AGBL1: variants seen among roughly 807,000 people sequenced by gnomAD.
AGBL1 encodes cytosolic carboxypeptidase 4.
AGBL1 carries 130 observed loss-of-function variants against 118.9 expected under a neutral mutation model. That is an observed-to-expected ratio of 1.09 (90% CI 0.95 to 1.26). The LOEUF (loss-of-function observed/expected upper bound fraction) is 1.26, where lower values mean the gene tolerates loss of function less well. Among genes scored for constraint, AGBL1 ranks in the 50% most tolerant of loss-of-function variants. The probability of loss-of-function intolerance (pLI) is 0.00; values close to 1 mark genes in which losing one functional copy is unlikely to be tolerated. For synonymous variants in AGBL1, 555 were observed against 478.9 expected (o/e 1.16, Z -2.08); for missense variants, 1,584 against 1,298.1 (o/e 1.22, Z -3.38).
At chr15:86,852,419 C>A (rs2141461437) in intron 22 of AGBL1, among the ~76,000 whole-genome samples, 1 of 152,222 alleles carries the variant, frequency 6.6e-6, no homozygotes, top group South Asian at 2.1e-4. Context: ...TGGGTGGGGA[C>A]ACAGAGCCAA....
chr15:86,989,662 T>C (rs1422332415), intron 24 of AGBL1, among the ~76,000 whole-genome samples: 1 of 152,194 alleles, frequency 6.6e-6, no homozygotes, highest in Non-Finnish European at 1.5e-5. Flanking sequence ...ATTTTATTAT[T>C]TTTTTAAAAC....
At chr15:86,238,329 G>A (rs912376997) in intron 6 of AGBL1, among the ~76,000 whole-genome samples, 2 of 152,290 alleles carry the variant, frequency 1.3e-5, no homozygotes, top group African/African-American at 2.4e-5. Context: ...CTGGTATATC[G>A]TAGTTGCTAA....
intron 21 of AGBL1, among the ~76,000 whole-genome samples, chr15:86,583,121 A>G (rs1304969762): frequency 6.6e-6 from 1 of 151,876 alleles, no homozygotes; most frequent in African/African-American, 2.4e-5. Flanking sequence ...ATCTAAGAGG[A>G]AAAGTATTTT....
intron 22 of AGBL1, among the ~76,000 whole-genome samples, chr15:86,885,272 G>A (rs2079954301): frequency 1.3e-5 from 2 of 152,048 alleles, no homozygotes; most frequent in South Asian, 2.1e-4. Context: ...GTGGCATATA[G>A]TAATGAAATT....
At chr15:86,478,535 G>A (rs989139302) in intron 18 of AGBL1, among the ~76,000 whole-genome samples, 9 of 152,070 alleles carry the variant, frequency 5.9e-5, no homozygotes, top group Admixed American at 5.2e-4. Context: ...GGGATGTGAA[G>A]GACCTCTTCA....
chr15:86,517,129 G>T (rs1425897684), intron 18 of AGBL1, among the ~76,000 whole-genome samples: 1 of 152,210 alleles, frequency 6.6e-6, no homozygotes, highest in East Asian at 1.9e-4. Context: ...GTGTCTCCAA[G>T]CTTTTGGAGC....
At chr15:86,534,112 T>TAA (rs61563504) in intron 19 of AGBL1, among the ~76,000 whole-genome samples, 5,886 of 96,422 alleles carry the variant, frequency 0.061, 340 homozygotes, top group African/African-American at 0.15. Flanking sequence ...TAAAGTATAA[T>TAA]AAAAAAAAAA....
chr15:86,154,046 G>A (rs531901579), intron 3 of AGBL1, among the ~76,000 whole-genome samples: 1 of 152,070 alleles, frequency 6.6e-6, no homozygotes, highest in South Asian at 2.1e-4. Context: ...TCCAATCCAA[G>A]TTGACATACT....
intron 22 of AGBL1, among the ~76,000 whole-genome samples, chr15:86,678,853 C>T (rs2085896949): frequency 6.6e-6 from 1 of 151,550 alleles, no homozygotes; most frequent in Non-Finnish European, 1.5e-5. Context: ...TTAAGTAATC[C>T]ACCTTTTATC....
intron 5 of AGBL1, among the ~76,000 whole-genome samples, chr15:86,219,392 G>A (rs545327997): frequency 1.4e-4 from 21 of 152,248 alleles, no homozygotes; most frequent in Non-Finnish European, 2.4e-4. Context: ...GCTTTTTAAC[G>A]TAATTTAATT....
chr15:86,093,069 A>T lies in AGBL1; in HGVS notation c.51+13046A>T, dbSNP rs1374930589. On this transcript the variant is annotated intron_variant, in intron 1 of 22. Transcript: ENST00000614907. ...AATTGTATATTCGGTGACCTTGCTC[A>T]TCTAGGATAACAAGAACAATATAGA... Among the ~76,000 whole-genome samples the T allele has an allele frequency of 3.3e-5, 5 of 152,170 alleles. No homozygotes were observed. In the East Asian group the frequency reaches 9.6e-4, roughly 29 times the overall value.
At chr15:86,265,709 C>T (rs2079061070) in intron 11 of AGBL1, among the ~76,000 whole-genome samples, 1 of 152,180 alleles carries the variant, frequency 6.6e-6, no homozygotes, top group African/African-American at 2.4e-5. Flanking sequence ...GCTGTTCTAG[C>T]ACCATGTTAT....
At chr15:86,240,390 A>C (rs1316116469) in intron 6 of AGBL1, among the ~76,000 whole-genome samples, 1 of 152,240 alleles carries the variant, frequency 6.6e-6, no homozygotes, top group Non-Finnish European at 1.5e-5. Context: ...GACCCCTAAG[A>C]TAATCTGTTG....
At chr15:86,822,015 A>C (rs2078948927) in intron 22 of AGBL1, among the ~76,000 whole-genome samples, 1 of 152,160 alleles carries the variant, frequency 6.6e-6, no homozygotes, top group South Asian at 2.1e-4. Context: ...ATACAGTGCC[A>C]CAGTACCTGT....
chr15:86,887,989 A>G (rs1266036597), intron 22 of AGBL1, among the ~76,000 whole-genome samples: 2 of 152,146 alleles, frequency 1.3e-5, no homozygotes, highest in African/African-American at 2.4e-5. Context: ...AAATATAACA[A>G]TGAAGAAGAG....
At chr15:86,214,194 C>A (rs1303313862) in intron 5 of AGBL1, among the ~76,000 whole-genome samples, 1 of 152,180 alleles carries the variant, frequency 6.6e-6, no homozygotes, top group African/African-American at 2.4e-5. Context: ...CATTTTTGTT[C>A]ATCTATTGAA....
At chr15:86,240,880 A>T (rs983667334) in intron 6 of AGBL1, among the ~76,000 whole-genome samples, 1 of 152,190 alleles carries the variant, frequency 6.6e-6, no homozygotes, top group African/African-American at 2.4e-5. Context: ...TTACTCATAT[A>T]TGTCTTATCA....
intron 23 of AGBL1, among the ~76,000 whole-genome samples, chr15:86,963,917 T>A (rs975753933): frequency 6.6e-6 from 1 of 151,770 alleles, no homozygotes; most frequent in Non-Finnish European, 1.5e-5. Flanking sequence ...GAAAGAATTA[T>A]GAGCGATTCA....
intron 18 of AGBL1, among the ~76,000 whole-genome samples, chr15:86,500,642 C>T (rs184591528): frequency 1.1e-4 from 17 of 151,764 alleles, no homozygotes; most frequent in South Asian, 6.2e-4. Flanking sequence ...AGCTGTTAAC[C>T]ATCCTTCCCT....
Sources: gnomAD v4.1 joint callset for allele counts (sites outside exome capture counted in the v4.1 genomes callset) on GRCh38, gnomAD v4.1.1 for gene constraint, MANE v1.5 for transcripts, NCBI Gene and HGNC (gene_info 2026-07-23, HGNC 2026-07-21) for gene names.